RSPO2: variants seen among roughly 807,000 people sequenced by gnomAD.
RSPO2 encodes the protein R-spondin 2.
Under a neutral mutation model 30.9 loss-of-function variants are expected in RSPO2, and 14 were observed. That is an observed-to-expected ratio of 0.45 (90% CI 0.30 to 0.71). The LOEUF is 0.71. Among genes scored for constraint, RSPO2 ranks in the 30% least tolerant of loss-of-function variants. The probability of loss-of-function intolerance (pLI) is 0.08; values close to 1 mark genes in which losing one functional copy is unlikely to be tolerated. For missense variants in RSPO2, 264 were observed against 301.9 expected, an observed-to-expected ratio of 0.87 and a Z score of 0.93; for synonymous variants, 107 against 96.4, an observed-to-expected ratio of 1.11 and a Z score of -0.64.
intron 2 of RSPO2, among the ~76,000 whole-genome samples, chr8:107,998,346 A>C (rs1341317322): frequency 6.6e-6 from 1 of 152,184 alleles, no homozygotes; most frequent in Non-Finnish European, 1.5e-5. Context: ...CAGTGGTATA[A>C]AAATCCTGTA....
intron 3 of RSPO2, among the ~76,000 whole-genome samples, chr8:107,976,744 G>T (rs1337079499): frequency 1.3e-5 from 2 of 152,150 alleles, no homozygotes; most frequent in Admixed American, 1.3e-4. Context: ...AAGGGAGTCT[G>T]GCTGCACAGT....
At chr8:107,914,816 T>C (rs572878656) in intron 5 of RSPO2, among the ~76,000 whole-genome samples, 4 of 152,280 alleles carry the variant, frequency 2.6e-5, no homozygotes, top group Non-Finnish European at 4.4e-5. Flanking sequence ...AATATGTAAG[T>C]GTATTTTAGG....
intron 2 of RSPO2, among the ~76,000 whole-genome samples, chr8:108,054,297 C>T (rs1764365493): frequency 6.6e-6 from 1 of 152,090 alleles, no homozygotes; most frequent in Non-Finnish European, 1.5e-5. Context: ...AGATTTGCAG[C>T]AGGAAGACTT....
chr8:108,032,924 C>G (rs1027609446), intron 2 of RSPO2, among the ~76,000 whole-genome samples: 1 of 151,668 alleles, frequency 6.6e-6, no homozygotes, highest in Non-Finnish European at 1.5e-5. Context: ...GTGGCAGGCA[C>G]CTGTAGTCCC....
At chr8:108,069,267 G>T (rs1812768495) in intron 2 of RSPO2, among the ~76,000 whole-genome samples, 1 of 152,070 alleles carries the variant, frequency 6.6e-6, no homozygotes, top group Non-Finnish European at 1.5e-5. Flanking sequence ...AGGCTGGAGT[G>T]CAGTGGCACA....
chr8:107,998,018 T>G (rs1390585734), intron 2 of RSPO2, among the ~76,000 whole-genome samples: 6 of 152,200 alleles, frequency 3.9e-5, no homozygotes, highest in Admixed American at 3.3e-4. Context: ...CTGAAAATAA[T>G]AAGACTGAAC....
chr8:108,005,034 C>T (rs1461304784), intron 2 of RSPO2, among the ~76,000 whole-genome samples: 1 of 152,240 alleles, frequency 6.6e-6, no homozygotes, highest in African/African-American at 2.4e-5. Context: ...CTCCAAGTCT[C>T]CTTTAATCTG....
intron 5 of RSPO2, among the ~76,000 whole-genome samples, chr8:107,915,867 G>A (rs1811966409): frequency 6.6e-6 from 1 of 152,122 alleles, no homozygotes; most frequent in South Asian, 2.1e-4. Flanking sequence ...TCTTTTGCCT[G>A]TGGTTCCATA....
At chr8:107,951,046 T>TTTTTG (rs1554575791) in intron 5 of RSPO2, among the ~76,000 whole-genome samples, 2 of 146,482 alleles carry the variant, frequency 1.4e-5, no homozygotes, top group African/African-American at 5.3e-5. Flanking sequence ...AGAATAAGTT[T>TTTTTG]TTTTTTGTTG....
At chr8:107,926,097 C>T (rs1477798634) in intron 5 of RSPO2, among the ~76,000 whole-genome samples, 2 of 152,120 alleles carry the variant, frequency 1.3e-5, no homozygotes, top group African/African-American at 4.8e-5. Context: ...GACTGCCATT[C>T]TAAATGGTGT....
At chr8:107,962,496 C>T (rs1813659921) in intron 3 of RSPO2, among the ~76,000 whole-genome samples, 1 of 152,168 alleles carries the variant, frequency 6.6e-6, no homozygotes, top group African/African-American at 2.4e-5. Flanking sequence ...TACAAATCTA[C>T]ACTACTGCTC....
At chr8:107,955,943 A>T (rs931230031) in intron 5 of RSPO2, among the ~76,000 whole-genome samples, 1 of 152,342 alleles carries the variant, frequency 6.6e-6, no homozygotes, top group South Asian at 2.1e-4. Flanking sequence ...GTCAAAGCAG[A>T]TCACTGAAAT....
At chr8:107,963,364 T>A (rs1432674853) in intron 3 of RSPO2, among the ~76,000 whole-genome samples, 1 of 150,886 alleles carries the variant, frequency 6.6e-6, no homozygotes, top group African/African-American at 2.4e-5. Context: ...TAAAACCCCA[T>A]CTCTAAGAAA....
At position 108,029,228 on chromosome 8, in the gene RSPO2, T is replaced by A. The variant is rs904397390; in HGVS notation, c.95-39984A>T. Among the ~76,000 whole-genome samples the A allele has an allele frequency of 2.0e-3, 309 of 152,086 alleles. 2 individuals are homozygous for A. Among genetic ancestry groups the A allele is most frequent in the African/African-American group, 7.0e-3 (289 of 41,490 alleles). On this transcript the variant is annotated intron_variant, in intron 2 of 5. Transcript: ENST00000276659. ...CTTATTCCTTTACATATTGTTTGTG[T>A]CTGCTTTTGCACTACAATGGCAGAA...
intron 5 of RSPO2, among the ~76,000 whole-genome samples, chr8:107,944,781 T>C: frequency 6.6e-6 from 1 of 152,104 alleles, no homozygotes; most frequent in Non-Finnish European, 1.5e-5. Flanking sequence ...TGCAAATGAG[T>C]GCATCTTGAA....
At chr8:108,077,229 T>C (rs1212506601) in intron 2 of RSPO2, among the ~76,000 whole-genome samples, 2 of 152,046 alleles carry the variant, frequency 1.3e-5, no homozygotes, top group Non-Finnish European at 2.9e-5. Flanking sequence ...AGCCAAATAG[T>C]AACAGATTGA....
chr8:107,913,184 A>G (rs1811874813), intron 5 of RSPO2, among the ~76,000 whole-genome samples: 1 of 152,140 alleles, frequency 6.6e-6, no homozygotes, highest in South Asian at 2.1e-4. Flanking sequence ...ATTTGAACTT[A>G]TGTAGTCTGG....
Position 107,989,255 on chromosome 8 carries a change from A to G in RSPO2, c.95-11T>C, listed in dbSNP as rs1177932158. 4 of 1,536,188 alleles carry G rather than the reference A, an allele frequency of 2.6e-6. No homozygotes were observed. Among genetic ancestry groups the G allele is most frequent in the African/African-American group, 2.8e-5 (2 of 70,730 alleles). The stretch of plus-strand genomic sequence containing the variant: ...TTGATACATAACTAGCTGTAAAAGA[A>G]AAACAAAAATTGTGTTTAATTATCA... On this transcript the variant is annotated splice_polypyrimidine_tract_variant and intron_variant, in intron 2 of 5. Transcript: ENST00000276659.
At chr8:107,925,488 T>C (rs1166772807) in intron 5 of RSPO2, among the ~76,000 whole-genome samples, 1 of 151,940 alleles carries the variant, frequency 6.6e-6, no homozygotes, top group Non-Finnish European at 1.5e-5. Context: ...ATGGGCCATA[T>C]TGGTGTGCTG....
Sources: gnomAD v4.1 joint callset for allele counts (sites outside exome capture counted in the v4.1 genomes callset) on GRCh38, gnomAD v4.1.1 for gene constraint, MANE v1.5 for transcripts, NCBI Gene and HGNC (gene_info 2026-07-23, HGNC 2026-07-21) for gene names.